VWC2L: variants seen among roughly 807,000 people sequenced by gnomAD.
The protein encoded by VWC2L is von Willebrand factor C domain-containing protein 2-like.
VWC2L carries 10 observed loss-of-function variants against 21.6 expected under a neutral mutation model. The observed-to-expected ratio is 0.46, with a 90% confidence interval of 0.29 to 0.78. The LOEUF is 0.78. VWC2L is among the 30% of genes least tolerant of loss of function. The pLI, the probability that VWC2L is intolerant of heterozygous loss-of-function variation, is 0.10. For missense variants in VWC2L, 209 were observed against 277.1 expected, an observed-to-expected ratio of 0.75 and a Z score of 1.74; for synonymous variants, 96 against 94.3, an observed-to-expected ratio of 1.02 and a Z score of -0.10.
At chr2:214,483,426 A>AT (rs571111478) in intron 3 of VWC2L, among the ~76,000 whole-genome samples, 66 of 152,258 alleles carry the variant, frequency 4.3e-4, no homozygotes, top group African/African-American at 1.5e-3. Flanking sequence ...AAAAAAAAAA[A>AT]GGAATTTCAA....
At chr2:214,457,389 C>T (rs1703072741) in intron 3 of VWC2L, among the ~76,000 whole-genome samples, 1 of 151,946 alleles carries the variant, frequency 6.6e-6, no homozygotes, top group Non-Finnish European at 1.5e-5. Flanking sequence ...TTTATCAGAT[C>T]CAAAAGTTTT....
At chr2:214,539,225 A>G (rs1340848297) in intron 3 of VWC2L, among the ~76,000 whole-genome samples, 1 of 152,184 alleles carries the variant, frequency 6.6e-6, no homozygotes, top group Non-Finnish European at 1.5e-5. Flanking sequence ...ATCAACTCAG[A>G]GGAGCAACAA....
intron 2 of VWC2L, among the ~76,000 whole-genome samples, chr2:214,415,402 A>T (rs1702340040): frequency 6.6e-6 from 1 of 152,148 alleles, no homozygotes; most frequent in South Asian, 2.1e-4. Flanking sequence ...ATGTAATGGC[A>T]GTTTGTGCCT....
intron 3 of VWC2L, among the ~76,000 whole-genome samples, chr2:214,529,592 G>A (rs2105915297): frequency 6.6e-6 from 1 of 152,208 alleles, no homozygotes; most frequent in Middle Eastern, 3.4e-3. Context: ...ACTTGAAAAA[G>A]CTTGAGAGGC....
At chr2:214,459,167 T>G (rs1327497822) in intron 3 of VWC2L, among the ~76,000 whole-genome samples, 1 of 152,158 alleles carries the variant, frequency 6.6e-6, no homozygotes, top group Non-Finnish European at 1.5e-5. Context: ...TATAATAACC[T>G]TCTTTATCTC....
At chr2:214,459,780 C>T (rs138816800) in intron 3 of VWC2L, among the ~76,000 whole-genome samples, 52 of 152,022 alleles carry the variant, frequency 3.4e-4, no homozygotes, top group South Asian at 3.3e-3. Flanking sequence ...TCTGAATATA[C>T]GATCCTATTT....
intron 3 of VWC2L, among the ~76,000 whole-genome samples, chr2:214,520,063 A>ACACACACACACACACG (rs1553598690): frequency 2.8e-5 from 4 of 145,248 alleles, no homozygotes; most frequent in Admixed American, 2.1e-4. Context: ...TGTTATACAC[A>ACACACACACACACACG]CACACACACA....
intron 3 of VWC2L, chr2:214,510,180 T>G (rs1689032064): frequency 6.6e-6 from 1 of 152,196 alleles, no homozygotes; most frequent in Non-Finnish European, 1.5e-5. Context: ...CATTCTGAAG[T>G]TGTCAGTCCT....
chr2:214,413,310 G>A (rs1702304635), intron 1 of VWC2L, among the ~76,000 whole-genome samples: 1 of 151,856 alleles, frequency 6.6e-6, no homozygotes, highest in Admixed American at 6.6e-5. Context: ...TTACTGTGAA[G>A]TAAATTTATA....
intron 3 of VWC2L, among the ~76,000 whole-genome samples, chr2:214,551,963 A>G (rs1167487108): frequency 1.3e-5 from 2 of 152,256 alleles, no homozygotes; most frequent in African/African-American, 4.8e-5. Context: ...GCCAACATCA[A>G]GAAACTTACC....
intron 3 of VWC2L, among the ~76,000 whole-genome samples, chr2:214,535,696 G>A (rs1689515808): frequency 6.6e-6 from 1 of 151,990 alleles, no homozygotes; most frequent in African/African-American, 2.4e-5. Context: ...GACTCAGGCT[G>A]TATACAGCTA....
At chr2:214,439,489 C>T (rs7560617) in intron 3 of VWC2L, among the ~76,000 whole-genome samples, 152,034 of 152,048 alleles carry the variant, frequency 1, 76,010 homozygotes, top group Non-Finnish European at 1. Flanking sequence ...GCAACTAATT[C>T]TAACCTATAA....
intron 3 of VWC2L, among the ~76,000 whole-genome samples, chr2:214,448,600 A>G (rs570181281): frequency 6.6e-6 from 1 of 152,300 alleles, no homozygotes; most frequent in South Asian, 2.1e-4. Flanking sequence ...CTGTTTCATA[A>G]TCTCACCATG....
chr2:214,455,962 C>T (rs530196220), intron 3 of VWC2L, among the ~76,000 whole-genome samples: 1 of 152,134 alleles, frequency 6.6e-6, no homozygotes, highest in South Asian at 2.1e-4. Flanking sequence ...TGGTTGATTC[C>T]CTATCTTGGC....
At chr2:214,456,810 C>T (rs1203755214) in intron 3 of VWC2L, among the ~76,000 whole-genome samples, 3 of 152,020 alleles carry the variant, frequency 2.0e-5, no homozygotes, top group Non-Finnish European at 2.9e-5. Context: ...TTTCCCAGTA[C>T]CATTTATTGA....
At chr2:214,534,291 C>G (rs1239866370) in intron 3 of VWC2L, 1 of 152,514 alleles carries the variant, frequency 6.6e-6, no homozygotes, top group East Asian at 1.9e-4. Context: ...GGCCTGGGTG[C>G]TATGCATTTT....
intron 1 of VWC2L, among the ~76,000 whole-genome samples, chr2:214,413,886 C>A (rs765071854): frequency 4.6e-4 from 70 of 152,218 alleles, no homozygotes; most frequent in Admixed American, 9.8e-4. Flanking sequence ...AAAATTCAAG[C>A]TGAAGGTTCC....
intron 3 of VWC2L, among the ~76,000 whole-genome samples, chr2:214,486,255 C>T (rs896276646): frequency 2.0e-5 from 3 of 152,174 alleles, no homozygotes; most frequent in African/African-American, 7.2e-5. Flanking sequence ...TAGTTTAATG[C>T]ATACTGTCAA....
intron 3 of VWC2L, among the ~76,000 whole-genome samples, chr2:214,515,819 T>G (rs1315694332): frequency 1.3e-5 from 2 of 152,194 alleles, no homozygotes. Context: ...CCTCCCAAAG[T>G]GCTGGGATTA....
Sources: gnomAD v4.1 joint callset for allele counts (sites outside exome capture counted in the v4.1 genomes callset) on GRCh38, gnomAD v4.1.1 for gene constraint, MANE v1.5 for transcripts, NCBI Gene and HGNC (gene_info 2026-07-23, HGNC 2026-07-21) for gene names.